The following IQCJ variants were observed in gnomAD, a reference collection of about 807,000 sequenced individuals.
The protein encoded by IQCJ is IQ domain-containing protein J.
A neutral mutation model predicts 11.0 loss-of-function variants in IQCJ; 9 were observed. That is an observed-to-expected ratio of 0.82 (90% CI 0.49 to 1.43). IQCJ has a LOEUF of 1.43. Among genes scored for constraint, IQCJ ranks in the 40% most tolerant of loss-of-function variants. The pLI is 0.00. For synonymous variants in IQCJ, 55 were observed against 51.3 expected (o/e 1.07, Z -0.31); for missense variants, 146 against 133.2 (o/e 1.10, Z -0.47).
intron 1 of IQCJ, among the ~76,000 whole-genome samples, chr3:159,137,204 G>A (rs1720340170): frequency 6.6e-6 from 1 of 151,578 alleles, no homozygotes; most frequent in Non-Finnish European, 1.5e-5. Flanking sequence ...GGAGGTTTCA[G>A]TGAGCAAAGA....
intron 1 of IQCJ, among the ~76,000 whole-genome samples, chr3:159,196,402 A>G (rs1223220375): frequency 6.6e-6 from 1 of 152,200 alleles, no homozygotes; most frequent in East Asian, 1.9e-4. Context: ...CAAAATTGGT[A>G]TCTGTTAGAA....
intron 2 of IQCJ, 97 bp from the exon 3 acceptor site, chr3:159,252,630 C>A: frequency 9.4e-7 from 1 of 1,061,572 alleles, no homozygotes. Context: ...ATTGAATCTA[C>A]ATCTTATTTT....
rs750408957 is a variant in IQCJ, at chr3:159,252,703, T to G, written c.75-24T>G. On this transcript the variant is annotated intron_variant, in intron 2 of 3. Coordinates refer to ENST00000397832, the MANE Select transcript of IQCJ (RefSeq NM_001042706.3). Reference sequence around the variant, plus strand: ...TGTTAACCTTCTGGATTGGGAGATATTGAGACATTATTTCTGTTTCTAGTC... The same window carrying G: ...TGTTAACCTTCTGGATTGGGAGATAGTGAGACATTATTTCTGTTTCTAGTC... The G allele has an allele frequency of 1.4e-5, 23 of 1,605,018 alleles. 1 individual carries two copies. In the South Asian group the frequency reaches 2.2e-4, roughly 16 times the overall value.
At position 159,092,318 on chromosome 3, in the gene IQCJ, A is replaced by C. The variant is rs921067089; in HGVS notation, c.9+22877A>C. ...CTTTGGGACTGTTATAGCTATGGAC[A>C]GACCAAACAGAAACATAGCATCCAA... is the stretch of plus-strand genomic sequence containing the variant. On this transcript the variant is annotated intron_variant, in intron 1 of 3. Coordinates refer to ENST00000397832, the MANE Select transcript of IQCJ (RefSeq NM_001042706.3). Among the ~76,000 whole-genome samples the C allele has an allele frequency of 2.1e-4, 32 of 151,964 alleles. 1 individual carries two copies. Among genetic ancestry groups the C allele is most frequent in the African/African-American group, 7.8e-4 (32 of 41,194 alleles).
intron 1 of IQCJ, among the ~76,000 whole-genome samples, chr3:159,115,617 A>G (rs1718934942): frequency 6.6e-6 from 1 of 152,180 alleles, no homozygotes; most frequent in African/African-American, 2.4e-5. Flanking sequence ...TCTGACCAAC[A>G]TAGCTAGCTC....
chr3:159,182,468 C>T (rs1163348535), intron 1 of IQCJ, among the ~76,000 whole-genome samples: 2 of 152,006 alleles, frequency 1.3e-5, no homozygotes, highest in Non-Finnish European at 2.9e-5. Flanking sequence ...AAGCCGCAGA[C>T]AAAACTCCTC....
At chr3:159,092,754 T>A (rs541626623) in intron 1 of IQCJ, among the ~76,000 whole-genome samples, 1 of 143,644 alleles carries the variant, frequency 7.0e-6, no homozygotes, top group African/African-American at 2.6e-5. Flanking sequence ...ACGGGGGGAA[T>A]GTCAATGTAA....
At chr3:159,130,042 G>A (rs1719903138) in intron 1 of IQCJ, among the ~76,000 whole-genome samples, 1 of 152,048 alleles carries the variant, frequency 6.6e-6, no homozygotes, top group African/African-American at 2.4e-5. Context: ...TTCCACCATA[G>A]GATTTCTAGT....
chr3:159,106,515 T>C (rs1021572391), intron 1 of IQCJ, among the ~76,000 whole-genome samples: 4 of 150,054 alleles, frequency 2.7e-5, no homozygotes, highest in Non-Finnish European at 5.9e-5. Context: ...GGTAGGAGGG[T>C]GGAGTGGGGT....
At chr3:159,219,139 A>G (rs1234865268) in intron 1 of IQCJ, among the ~76,000 whole-genome samples, 1 of 152,036 alleles carries the variant, frequency 6.6e-6, no homozygotes. Context: ...TACCAAATTC[A>G]CAGTTCTAGG....
intron 1 of IQCJ, among the ~76,000 whole-genome samples, chr3:159,138,847 C>T (rs1042586580): frequency 6.6e-6 from 1 of 152,098 alleles, no homozygotes; most frequent in Non-Finnish European, 1.5e-5. Flanking sequence ...GTTTTCTATA[C>T]ATATTTATTT....
At chr3:159,221,523 C>G (rs1192207210) in intron 1 of IQCJ, among the ~76,000 whole-genome samples, 1 of 152,082 alleles carries the variant, frequency 6.6e-6, no homozygotes, top group Non-Finnish European at 1.5e-5. Flanking sequence ...TGATAAATTA[C>G]TACAATTTTC....
rs189490013 is a variant in IQCJ, at chr3:159,103,271, C to T, written c.9+33830C>T. 5.9e-5 allele frequency among the ~76,000 whole-genome samples: 9 copies of T among 152,286 alleles called. No individual in the cohort carries two copies. The East Asian group carries it at 7.7e-4, about 13-fold the overall frequency. ...AATATTTGTATATTTGCAGGAAATA[C>T]GTGGTTTTCCTGTCTTTTACATTTT... On this transcript the variant is annotated intron_variant, in intron 1 of 3. Transcript: ENST00000397832.
intron 1 of IQCJ, among the ~76,000 whole-genome samples, chr3:159,223,330 A>C (rs571501081): frequency 6.6e-6 from 1 of 152,160 alleles, no homozygotes; most frequent in African/African-American, 2.4e-5. Flanking sequence ...AATTATATAG[A>C]TATAACAAAA....
rs2108238576 is a variant in IQCJ, at chr3:159,262,754, A to G, written c.*23A>G. ...TGAAAGCCTAGACTTTGGTTCTAAG[A>G]GAGAAATCTTGGGATGTGAGCAGGT... On this transcript the variant is annotated 3_prime_UTR_variant, in exon 4 of 4. Transcript: ENST00000397832. 1 of 1,605,250 alleles carries G rather than the reference A, an allele frequency of 6.2e-7. No individual in the cohort carries two copies. Among genetic ancestry groups the G allele is most frequent in the Non-Finnish European group, 8.5e-7 (1 of 1,173,532 alleles).
intron 1 of IQCJ, among the ~76,000 whole-genome samples, chr3:159,079,180 A>T (rs1266755704): frequency 6.6e-6 from 1 of 152,090 alleles, no homozygotes; most frequent in African/African-American, 2.4e-5. Context: ...ACTTCCCTGC[A>T]TGTCATTGTG....
chr3:159,231,615 G>T (rs569776559), intron 1 of IQCJ, among the ~76,000 whole-genome samples: 1 of 152,230 alleles, frequency 6.6e-6, no homozygotes, highest in African/African-American at 2.4e-5. Flanking sequence ...TCTCTGCCAG[G>T]TTTTGGTATC....
chr3:159,126,913 G>A (rs979822620), intron 1 of IQCJ, among the ~76,000 whole-genome samples: 2 of 152,206 alleles, frequency 1.3e-5, no homozygotes, highest in African/African-American at 4.8e-5. Context: ...ATGAGGGCAA[G>A]CCAAAGACCA....
intron 2 of IQCJ, among the ~76,000 whole-genome samples, chr3:159,251,395 C>A (rs1727589940): frequency 6.6e-6 from 1 of 151,768 alleles, no homozygotes; most frequent in African/African-American, 2.4e-5. Flanking sequence ...TTAAACCCTC[C>A]ATTTATCATA....
Sources: gnomAD v4.1 joint callset for allele counts (sites outside exome capture counted in the v4.1 genomes callset) on GRCh38, gnomAD v4.1.1 for gene constraint, MANE v1.5 for transcripts, NCBI Gene and HGNC (gene_info 2026-07-23, HGNC 2026-07-21) for gene names.